Variants in PHACTR1 observed in about 807,000 individuals in gnomAD.
PHACTR1 encodes the protein phosphatase and actin regulator 1, also known as RPEL repeat containing 1.
PHACTR1 carries 16 observed loss-of-function variants against 69.2 expected under a neutral mutation model. The ratio of observed to expected loss-of-function variants is 0.23; its 90% CI spans 0.16 to 0.35. The LOEUF is 0.35. PHACTR1 is among the 10% of genes least tolerant of loss of function. PHACTR1 has a pLI of 1.00. For missense variants in PHACTR1, 510 were observed against 734.7 expected (o/e 0.69, Z 3.54); for synonymous variants, 312 against 284.5 (o/e 1.10, Z -0.97).
At chr6:13,031,774 T>C (rs1399603992) in intron 4 of PHACTR1, among the ~76,000 whole-genome samples, 2 of 146,278 alleles carry the variant, frequency 1.4e-5, no homozygotes, top group Non-Finnish European at 3.1e-5. Flanking sequence ...AAAACAAGTA[T>C]TAAAAATTGC....
intron 4 of PHACTR1, among the ~76,000 whole-genome samples, chr6:12,845,138 A>G (rs1469164447): frequency 2.6e-5 from 4 of 152,204 alleles, no homozygotes; most frequent in Admixed American, 6.5e-5. Flanking sequence ...GTTTTTCAAA[A>G]TTGTGGGTTT....
chr6:13,053,625 A>G, intron 5 of PHACTR1, 96 bp downstream of exon 5: 1 of 1,392,474 alleles, frequency 7.2e-7, no homozygotes, highest in Non-Finnish European at 9.6e-7. Flanking sequence ...GTTTGAACCA[A>G]AGGAGAAAAA....
chr6:13,175,493 C>A (rs905528151), intron 6 of PHACTR1, among the ~76,000 whole-genome samples: 1 of 152,182 alleles, frequency 6.6e-6, no homozygotes, highest in Admixed American at 6.5e-5. Context: ...GTCAGGGCTT[C>A]TTTCCATTGC....
At chr6:13,127,622 C>G (rs529877549) in intron 5 of PHACTR1, among the ~76,000 whole-genome samples, 1 of 152,276 alleles carries the variant, frequency 6.6e-6, no homozygotes, top group Non-Finnish European at 1.5e-5. Flanking sequence ...TGTATACTTA[C>G]TGGTTTTTAA....
chr6:12,947,699 C>T (rs918976887), intron 4 of PHACTR1, among the ~76,000 whole-genome samples: 2 of 152,094 alleles, frequency 1.3e-5, no homozygotes, highest in East Asian at 1.9e-4. Flanking sequence ...AGTAGACTTC[C>T]GTGAATTATT....
At chr6:13,056,355 G>A (rs766426043) in intron 5 of PHACTR1, among the ~76,000 whole-genome samples, 30 of 152,126 alleles carry the variant, frequency 2.0e-4, no homozygotes, top group South Asian at 6.2e-4. Flanking sequence ...AGCTGTGATC[G>A]TGCCACTGTA....
chr6:13,074,020 A>G (rs1045381294), intron 5 of PHACTR1, among the ~76,000 whole-genome samples: 2 of 151,800 alleles, frequency 1.3e-5, no homozygotes, highest in African/African-American at 4.8e-5. Flanking sequence ...TTACAGGCGT[A>G]TGCCACCATG....
rs35968832 is a variant in PHACTR1, at chr6:13,287,311, A to AC, written c.*238dup. 0.076 allele frequency: 41,977 copies of AC among 553,132 alleles called. 7,334 individuals are homozygous for AC. The highest frequency in any genetic ancestry group is 0.51 in the African/African-American group (26,431 of 51,664). 34.3% of individuals were successfully genotyped at this position (553,132 alleles called of 1,614,324 possible). The stretch of plus-strand genomic sequence containing the variant: ...ACTTCTGACACCAAAATGCATCCCA[A>AC]CCCCCGGCAGTGCCAAGGGCACCAG... On this transcript the variant is annotated 3_prime_UTR_variant, in exon 15 of 15. Coordinates refer to ENST00000332995, the MANE Select transcript of PHACTR1 (RefSeq NM_030948.6).
chr6:13,102,281 A>G (rs996021581), intron 5 of PHACTR1, among the ~76,000 whole-genome samples: 3 of 152,204 alleles, frequency 2.0e-5, no homozygotes, highest in Admixed American at 6.5e-5. Context: ...TCAGAATTCA[A>G]CATTGACCAA....
At chr6:13,195,757 CAAAAAAAA>C (rs869092852) in intron 7 of PHACTR1, among the ~76,000 whole-genome samples, 29 of 41,504 alleles carry the variant, frequency 7.0e-4, no homozygotes, top group East Asian at 1.4e-3. Flanking sequence ...GACACCGTCT[CAAAAAAAA>C]AAAAAAAAAA....
chr6:13,138,757 C>A (rs1397768967), intron 5 of PHACTR1, among the ~76,000 whole-genome samples: 1 of 152,210 alleles, frequency 6.6e-6, no homozygotes, highest in Non-Finnish European at 1.5e-5. Context: ...TAACTAGGTG[C>A]ATTTCCTTCC....
chr6:12,912,556 C>T (rs2127497535), intron 4 of PHACTR1, among the ~76,000 whole-genome samples: 1 of 152,302 alleles, frequency 6.6e-6, no homozygotes, highest in Admixed American at 6.5e-5. Context: ...TCACGTTGGG[C>T]CTGTTTCCCC....
intron 10 of PHACTR1, chr6:13,266,404 C>G (rs1776708307): frequency 6.6e-6 from 1 of 152,226 alleles, no homozygotes; most frequent in Non-Finnish European, 1.5e-5. Flanking sequence ...TCATTCACTC[C>G]TCCCCTCTCA....
chr6:12,990,383 T>C (rs1008792034), intron 4 of PHACTR1, among the ~76,000 whole-genome samples: 6 of 152,284 alleles, frequency 3.9e-5, no homozygotes, highest in Admixed American at 2.6e-4. Context: ...GACCTTTTCA[T>C]GGGCAGGAAC....
At chr6:13,240,196 A>C (rs968201516) in intron 10 of PHACTR1, among the ~76,000 whole-genome samples, 3 of 152,188 alleles carry the variant, frequency 2.0e-5, no homozygotes, top group African/African-American at 7.2e-5. Context: ...ACTCAACTGC[A>C]GACTAAGCAG....
Position 13,205,959 on chromosome 6 carries a change from G to T in PHACTR1, c.809G>T (p.Gly270Val), listed in dbSNP as rs777422304. ...SYTAQKSGQQ[G>V]VAQHHHTVLP... ...ACAGCCCAGAAGAGTGGCCAGCAGG[G>T]TGTGGCCCAGCACCACCACACTGTC... is the stretch of plus-strand genomic sequence containing the variant. The change falls in exon 8 of 15, where the codon GGT becomes GTT. Residue 270 changes from glycine (G) to valine (V), a missense_variant. By Grantham distance (109) the Gly-to-Val change is moderately radical (BLOSUM62 -3). Transcript: ENST00000332995. 8 of 1,613,882 alleles carry T rather than the reference G, an allele frequency of 5.0e-6. No homozygotes were observed. In the African/African-American group the frequency reaches 6.7e-5, roughly 13 times the overall value.
At chr6:12,905,556 G>A (rs748157116) in intron 4 of PHACTR1, among the ~76,000 whole-genome samples, 1 of 152,164 alleles carries the variant, frequency 6.6e-6, no homozygotes, top group Non-Finnish European at 1.5e-5. Context: ...AGGAGATAGA[G>A]GAGAGTGACA....
intron 4 of PHACTR1, among the ~76,000 whole-genome samples, chr6:12,889,200 G>C (rs1199884090): frequency 2.0e-5 from 3 of 152,204 alleles, no homozygotes; most frequent in Admixed American, 6.5e-5. Flanking sequence ...TCAGCCAGGA[G>C]ATCAAAGCTG....
At chr6:13,220,515 G>A (rs1250780200) in intron 8 of PHACTR1, among the ~76,000 whole-genome samples, 3 of 152,106 alleles carry the variant, frequency 2.0e-5, no homozygotes, top group African/African-American at 4.8e-5. Context: ...GTGGGCTGAC[G>A]GCCTGTGAGT....
Sources: gnomAD v4.1 joint callset for allele counts (sites outside exome capture counted in the v4.1 genomes callset) on GRCh38, gnomAD v4.1.1 for gene constraint, MANE v1.5 for transcripts, NCBI Gene and HGNC (gene_info 2026-07-23, HGNC 2026-07-21) for gene names.